The following CDH13 variants were observed in gnomAD, a reference collection of about 807,000 sequenced individuals.
The protein encoded by CDH13 is cadherin 13.
CDH13 carries 24 observed loss-of-function variants against 63.8 expected under a neutral mutation model. The observed-to-expected ratio is 0.38, with a 90% CI of 0.27 to 0.53. The LOEUF (loss-of-function observed/expected upper bound fraction) is 0.53, where lower values mean the gene tolerates loss of function less well. CDH13 is among the 20% of genes least tolerant of loss of function. The pLI, the probability that CDH13 is intolerant of heterozygous loss-of-function variation, is 0.85. For synonymous variants in CDH13, 503 were observed against 355.3 expected (o/e 1.42, Z -4.67); for missense variants, 1,049 against 903.1 (o/e 1.16, Z -2.07).
At chr16:82,805,832 G>T (rs1330220035) in intron 1 of CDH13, among the ~76,000 whole-genome samples, 1 of 152,166 alleles carries the variant, frequency 6.6e-6, no homozygotes, top group African/African-American at 2.4e-5. Context: ...AAGGATGTGT[G>T]TGAAGGTATG....
chr16:83,439,044 T>C (rs2072406373), intron 6 of CDH13, among the ~76,000 whole-genome samples: 1 of 152,238 alleles, frequency 6.6e-6, no homozygotes, highest in Non-Finnish European at 1.5e-5. Flanking sequence ...ATATGCAAGA[T>C]TTGAAGTCAG....
intron 8 of CDH13, among the ~76,000 whole-genome samples, chr16:83,657,943 C>A (rs568742078): frequency 4.3e-4 from 63 of 147,570 alleles, no homozygotes; most frequent in Middle Eastern, 3.6e-3. Context: ...ACCACCAGGT[C>A]CCATATCCTC....
chr16:83,399,547 TGA>T (rs1204407992), intron 6 of CDH13, among the ~76,000 whole-genome samples: 1 of 152,198 alleles, frequency 6.6e-6, no homozygotes, highest in Non-Finnish European at 1.5e-5. Flanking sequence ...GATCTTTCAT[TGA>T]GATATGGGGA....
chr16:82,915,165 C>A (rs1477306962), intron 2 of CDH13, among the ~76,000 whole-genome samples: 1 of 152,186 alleles, frequency 6.6e-6, no homozygotes, highest in Non-Finnish European at 1.5e-5. Flanking sequence ...GTGGTTATAG[C>A]GCTAGTATTG....
chr16:83,344,957 C>A lies in CDH13; in HGVS notation c.732C>A (p.Ile244=). ...TTGATCAGAATGACAACCGACCGAT[C>A]TTTCGGGAAGGCCCCTACATCGGCC... ...IVIDQNDNRP[I]FREGPYIGHV... The change falls in exon 6 of 14, where the codon ATC becomes ATA. Residue 244 remains isoleucine, a synonymous_variant. Coordinates refer to ENST00000567109, the MANE Select transcript of CDH13 (RefSeq NM_001257.5). 1.9e-6 allele frequency: 3 copies of A among 1,613,988 alleles called. No individual in the cohort carries two copies. The highest frequency in any genetic ancestry group is 2.2e-5 in the East Asian group (1 of 44,880).
chr16:83,570,539 C>T (rs555761246), intron 7 of CDH13, among the ~76,000 whole-genome samples: 1 of 151,910 alleles, frequency 6.6e-6, no homozygotes, highest in Non-Finnish European at 1.5e-5. Context: ...GTGGAACAGC[C>T]TCGCTGCTTT....
chr16:82,807,111 A>T (rs1318795831), intron 1 of CDH13, among the ~76,000 whole-genome samples: 6 of 151,790 alleles, frequency 4.0e-5, no homozygotes, highest in Admixed American at 2.0e-4. Flanking sequence ...TTTCTTAAGA[A>T]AAAACTTAAA....
At chr16:83,580,496 CTCTCTCTCTCT>C in intron 7 of CDH13, among the ~76,000 whole-genome samples, 1 of 112,046 alleles carries the variant, frequency 8.9e-6, no homozygotes, top group African/African-American at 3.8e-5. Context: ...CTCTCTCTCT[CTCTCTCTCTCT>C]AAGTCAGGTC....
chr16:83,663,420 T>A (rs1233752269), intron 8 of CDH13, among the ~76,000 whole-genome samples: 1 of 152,238 alleles, frequency 6.6e-6, no homozygotes, highest in African/African-American at 2.4e-5. Context: ...TGGACTACAG[T>A]TGAGTCCACT....
At chr16:82,947,046 G>GTGTGTGTGTA (rs376101509) in intron 2 of CDH13, among the ~76,000 whole-genome samples, 1 of 149,666 alleles carries the variant, frequency 6.7e-6, no homozygotes, top group African/African-American at 2.5e-5. Context: ...GTGTGTGTGT[G>GTGTGTGTGTA]TGATGTTGTA....
intron 7 of CDH13, among the ~76,000 whole-genome samples, chr16:83,516,243 A>C (rs2074696573): frequency 1.3e-5 from 2 of 152,230 alleles, no homozygotes; most frequent in South Asian, 4.1e-4. Context: ...GAGAAGCAAA[A>C]GCAATTCAGC....
intron 2 of CDH13, among the ~76,000 whole-genome samples, chr16:82,901,229 A>G (rs992292330): frequency 2.6e-5 from 4 of 152,182 alleles, no homozygotes; most frequent in Admixed American, 2.0e-4. Context: ...CTTATTTTCT[A>G]GCAATATGAG....
chr16:82,676,115 A>G (rs3852735), intron 1 of CDH13, among the ~76,000 whole-genome samples: 9,949 of 152,276 alleles, frequency 0.065, 385 homozygotes, highest in Middle Eastern at 0.16. Flanking sequence ...TATTTTCACA[A>G]TGATCTCATC....
chr16:83,358,112 C>G (rs374570896), intron 6 of CDH13, among the ~76,000 whole-genome samples: 1 of 152,196 alleles, frequency 6.6e-6, no homozygotes, highest in Non-Finnish European at 1.5e-5. Flanking sequence ...CCTTTAGTAA[C>G]AGACCTCAGT....
chr16:83,000,735 A>G (rs1912831647), intron 2 of CDH13, among the ~76,000 whole-genome samples: 1 of 151,800 alleles, frequency 6.6e-6, no homozygotes, highest in African/African-American at 2.4e-5. Flanking sequence ...ACCCGCCACC[A>G]TGCCCGGCTA....
chr16:83,470,223 G>T (rs2073419781), intron 6 of CDH13, among the ~76,000 whole-genome samples: 1 of 152,052 alleles, frequency 6.6e-6, no homozygotes, highest in African/African-American at 2.4e-5. Context: ...GTTTGTTTTA[G>T]ATTTTTGCTT....
chr16:83,467,462 T>A (rs1179589986), intron 6 of CDH13, among the ~76,000 whole-genome samples: 2 of 152,138 alleles, frequency 1.3e-5, no homozygotes, highest in Non-Finnish European at 2.9e-5. Flanking sequence ...TGCAGACATC[T>A]TGAGATTTAG....
chr16:82,868,340 C>G (rs927463809), intron 2 of CDH13, among the ~76,000 whole-genome samples: 1 of 152,108 alleles, frequency 6.6e-6, no homozygotes, highest in Non-Finnish European at 1.5e-5. Context: ...TTCCCTCCTA[C>G]CAATCCATTT....
At chr16:83,163,754 C>A (rs1017858304) in intron 4 of CDH13, among the ~76,000 whole-genome samples, 2 of 152,032 alleles carry the variant, frequency 1.3e-5, no homozygotes, top group Non-Finnish European at 2.9e-5. Context: ...TAGCATAAAG[C>A]CGCCACCCAC....
Sources: gnomAD v4.1 joint callset for allele counts (sites outside exome capture counted in the v4.1 genomes callset) on GRCh38, gnomAD v4.1.1 for gene constraint, MANE v1.5 for transcripts, NCBI Gene and HGNC (gene_info 2026-07-23, HGNC 2026-07-21) for gene names.